Variants in TBC1D5 observed in about 807,000 individuals in gnomAD.
The protein encoded by TBC1D5 is TBC1 domain family, member 5.
Under a neutral mutation model 100.3 loss-of-function variants are expected in TBC1D5, and 75 were observed. The ratio of observed to expected loss-of-function variants is 0.75; its 90% CI spans 0.62 to 0.91. The LOEUF (loss-of-function observed/expected upper bound fraction) is 0.91. TBC1D5 is among the 40% of genes least tolerant of loss of function. The probability of loss-of-function intolerance (pLI) is 0.00; values close to 1 mark genes in which losing one functional copy is unlikely to be tolerated. For synonymous variants in TBC1D5, 323 were observed against 325.6 expected (o/e 0.99, Z 0.09); for missense variants, 910 against 942.4 (o/e 0.97, Z 0.45).
chr3:17,477,459 A>T (rs1411298561), intron 3 of TBC1D5, among the ~76,000 whole-genome samples: 1 of 151,998 alleles, frequency 6.6e-6, no homozygotes, highest in East Asian at 1.9e-4. Flanking sequence ...TCTAGAAATC[A>T]TCTGTCCCCA....
At chr3:17,601,446 G>A (rs907998681) in intron 2 of TBC1D5, among the ~76,000 whole-genome samples, 6 of 152,230 alleles carry the variant, frequency 3.9e-5, no homozygotes, top group Non-Finnish European at 8.8e-5. Context: ...GGGAGGCGGA[G>A]GTTGTGGTGA....
intron 14 of TBC1D5, among the ~76,000 whole-genome samples, chr3:17,293,701 G>A (rs2081978420): frequency 6.6e-6 from 1 of 152,128 alleles, no homozygotes; most frequent in Non-Finnish European, 1.5e-5. Context: ...TATGCTAGGG[G>A]AGCACGTAGA....
intron 13 of TBC1D5, among the ~76,000 whole-genome samples, chr3:17,328,844 T>A (rs1162723788): frequency 3.3e-5 from 5 of 152,244 alleles, no homozygotes; most frequent in African/African-American, 4.8e-5. Flanking sequence ...GATCCATCAA[T>A]GTGGATCCAC....
intron 1 of TBC1D5, among the ~76,000 whole-genome samples, chr3:17,681,227 T>C (rs925123295): frequency 1.3e-5 from 2 of 151,666 alleles, no homozygotes; most frequent in Non-Finnish European, 1.5e-5. Context: ...TTAGGTATAA[T>C]AGGCATTTCT....
intron 2 of TBC1D5, among the ~76,000 whole-genome samples, chr3:17,516,010 T>C (rs1486685994): frequency 6.6e-6 from 1 of 152,212 alleles, no homozygotes; most frequent in East Asian, 1.9e-4. Context: ...AGTACCTCAC[T>C]GAGGGAAGGC....
intron 4 of TBC1D5, among the ~76,000 whole-genome samples, chr3:17,409,531 A>C (rs1457893208): frequency 6.6e-6 from 1 of 152,138 alleles, no homozygotes; most frequent in Non-Finnish European, 1.5e-5. Flanking sequence ...ATCTAAAGCC[A>C]AGTTAGACCA....
intron 13 of TBC1D5, among the ~76,000 whole-genome samples, chr3:17,330,088 T>C (rs1360117050): frequency 2.0e-5 from 3 of 152,118 alleles, no homozygotes; most frequent in Non-Finnish European, 4.4e-5. Flanking sequence ...GCCACCTCCC[T>C]TGCAGTTGCC....
At chr3:17,594,837 G>A (rs1200736386) in intron 2 of TBC1D5, among the ~76,000 whole-genome samples, 2 of 151,724 alleles carry the variant, frequency 1.3e-5, no homozygotes, top group African/African-American at 4.8e-5. Context: ...CAATTGACAA[G>A]GGGTGGACGT....
intron 3 of TBC1D5, among the ~76,000 whole-genome samples, chr3:17,482,418 T>G (rs916846296): frequency 6.6e-6 from 1 of 152,220 alleles, no homozygotes; most frequent in Non-Finnish European, 1.5e-5. Context: ...TCAAGAAATG[T>G]TGAAAGAGAA....
chr3:17,738,926 TAAACATTTTCC>T (rs1318929534), intron 1 of TBC1D5, among the ~76,000 whole-genome samples: 1 of 152,234 alleles, frequency 6.6e-6, no homozygotes. Flanking sequence ...TGTAGAATGA[TAAACATTTTCC>T]TAAACACTTC....
intron 3 of TBC1D5, among the ~76,000 whole-genome samples, chr3:17,469,401 T>C (rs1292352552): frequency 6.6e-6 from 1 of 152,174 alleles, no homozygotes; most frequent in East Asian, 1.9e-4. Context: ...TCTTACTCTG[T>C]TTCTAGCAAC....
chr3:17,171,049 C>T (rs2067128091), intron 19 of TBC1D5, among the ~76,000 whole-genome samples: 1 of 152,150 alleles, frequency 6.6e-6, no homozygotes, highest in Non-Finnish European at 1.5e-5. Context: ...GGCCACATTG[C>T]CCGAAAAACC....
At chr3:17,569,692 G>A (rs2096614615) in intron 2 of TBC1D5, among the ~76,000 whole-genome samples, 2 of 151,422 alleles carry the variant, frequency 1.3e-5, no homozygotes, top group South Asian at 4.2e-4. Context: ...GGAACCAAGG[G>A]ATGACTGGTT....
intron 13 of TBC1D5, among the ~76,000 whole-genome samples, chr3:17,315,066 G>A (rs1236655108): frequency 1.3e-5 from 2 of 152,196 alleles, no homozygotes; most frequent in African/African-American, 4.8e-5. Flanking sequence ...GATGCTGCTC[G>A]TGTGGGAACC....
chr3:17,456,318 A>G (rs1022809882), intron 3 of TBC1D5, among the ~76,000 whole-genome samples: 5 of 152,206 alleles, frequency 3.3e-5, no homozygotes, highest in African/African-American at 1.2e-4. Flanking sequence ...TCAAGTTAAA[A>G]ATATTCTGTG....
exon 22 of TBC1D5, chr3:17,157,188 A>G (rs886666411): frequency 6.6e-6 from 1 of 152,282 alleles, no homozygotes; most frequent in African/African-American, 2.4e-5. Context: ...GTCTTTTATT[A>G]TAACCATATT....
intron 8 of TBC1D5, among the ~76,000 whole-genome samples, chr3:17,395,780 AT>A (rs2093486915): frequency 6.6e-6 from 1 of 152,142 alleles, no homozygotes; most frequent in Non-Finnish European, 1.5e-5. Flanking sequence ...CTGCAACTAT[AT>A]TTTCATTAAA....
At chr3:17,366,711 C>T (rs2092155529) in intron 13 of TBC1D5, among the ~76,000 whole-genome samples, 2 of 151,966 alleles carry the variant, frequency 1.3e-5, no homozygotes, top group South Asian at 4.1e-4. Flanking sequence ...CTTCTGATGA[C>T]TGAGAGTTAC....
intron 2 of TBC1D5, among the ~76,000 whole-genome samples, chr3:17,570,633 A>G (rs1342313712): frequency 6.6e-6 from 1 of 151,990 alleles, no homozygotes; most frequent in African/African-American, 2.4e-5. Context: ...AATGCATTTC[A>G]AAGTTGCAGA....
Sources: allele counts gnomAD v4.1 joint callset (sites outside exome capture counted in the v4.1 genomes callset), GRCh38; gene constraint gnomAD v4.1.1; transcripts MANE v1.5; gene names NCBI Gene and HGNC (gene_info 2026-07-23, HGNC 2026-07-21).